Variants in TMCO6 observed in about 807,000 individuals in gnomAD.
TMCO6 encodes transmembrane and coiled-coil domain-containing protein 6.
TMCO6 carries 47 observed loss-of-function variants against 61.8 expected under a neutral mutation model. The ratio of observed to expected loss-of-function variants is 0.76; its 90% confidence interval spans 0.60 to 0.97. The LOEUF is 0.97. Among genes scored for constraint, TMCO6 ranks in the 50% least tolerant of loss-of-function variants. The probability of loss-of-function intolerance (pLI) is 0.00; values close to 1 mark genes in which losing one functional copy is unlikely to be tolerated. For missense variants in TMCO6, 557 were observed against 601.6 expected, an observed-to-expected ratio of 0.93 and a Z score of 0.78; for synonymous variants, 261 against 254.2, an observed-to-expected ratio of 1.03 and a Z score of -0.25.
the TMCO6 span, among the ~76,000 whole-genome samples, chr5:140,601,750 C>T: frequency 2.5e-4 from 38 of 152,284 alleles, no homozygotes; most frequent in African/African-American, 7.9e-4. Flanking sequence ...AGATTTCAGG[C>T]GTCACCATAC....
At chr5:140,643,749 T>G in intron 8 of TMCO6, 31 bp from the exon 9 acceptor site, 1 of 1,610,978 alleles carries the variant, frequency 6.2e-7, no homozygotes, top group Non-Finnish European at 8.5e-7. Flanking sequence ...CTCTTCCTTC[T>G]TACACCTGAC....
the TMCO6 span, among the ~76,000 whole-genome samples, chr5:140,607,796 T>C: frequency 6.0e-5 from 9 of 150,836 alleles, no homozygotes; most frequent in East Asian, 5.8e-4. Context: ...ATTTTCTTTT[T>C]TTTTTTTTTC....
At chr5:140,598,783 A>G in the TMCO6 span, among the ~76,000 whole-genome samples, 1 of 152,150 alleles carries the variant, frequency 6.6e-6, no homozygotes, top group African/African-American at 2.4e-5. Context: ...AAACTACAAA[A>G]GAATTAGTCA....
chr5:140,625,085 C>T, the TMCO6 span, among the ~76,000 whole-genome samples: 2 of 152,026 alleles, frequency 1.3e-5, no homozygotes. Context: ...AACTCCTGAC[C>T]TCATAATACA....
chr5:140,647,728 A>T (rs886060017), downstream of TMCO6: 11 of 1,326,896 alleles, frequency 8.3e-6, no homozygotes, highest in Non-Finnish European at 9.6e-6. Context: ...GTATTGTAGG[A>T]CCGCTGCGAG....
chr5:140,628,115 T>G, the TMCO6 span, among the ~76,000 whole-genome samples: 1 of 151,454 alleles, frequency 6.6e-6, no homozygotes, highest in Non-Finnish European at 1.5e-5. Context: ...TTCAAGTGAT[T>G]CTCCTGCCTC....
chr5:140,598,211 GT>G, the TMCO6 span, among the ~76,000 whole-genome samples: 124 of 144,332 alleles, frequency 8.6e-4, no homozygotes, highest in Middle Eastern at 3.5e-3. Flanking sequence ...ATTTTATTTG[GT>G]TTTTTTTTTT....
intron 4 of TMCO6, 95 bp downstream of exon 4, chr5:140,642,148 T>TA: frequency 2.0e-6 from 3 of 1,508,048 alleles, no homozygotes; most frequent in Non-Finnish European, 2.7e-6. Context: ...GAAGAAAACA[T>TA]GTTTGCCCTT....
downstream of TMCO6, among the ~76,000 whole-genome samples, chr5:140,646,584 T>C (rs2149802116): frequency 6.6e-6 from 1 of 152,256 alleles, no homozygotes; most frequent in East Asian, 1.9e-4. Context: ...AATCCTGTTA[T>C]TCAGTATGTA....
downstream of TMCO6, chr5:140,647,572 G>C: frequency 6.2e-7 from 1 of 1,610,418 alleles, no homozygotes; most frequent in Non-Finnish European, 8.5e-7. Context: ...GACTTGCTGC[G>C]GCCGCCGCCA....
intron 6 of TMCO6, 114 bp from the exon 7 acceptor site, chr5:140,642,811 T>G (rs1021532107): frequency 6.3e-7 from 1 of 1,597,744 alleles, no homozygotes; most frequent in African/African-American, 1.3e-5. Context: ...GTTTGGACAC[T>G]TTCCCATCTG....
the TMCO6 span, among the ~76,000 whole-genome samples, chr5:140,613,421 G>A: frequency 2.9e-5 from 4 of 138,322 alleles, no homozygotes; most frequent in African/African-American, 1.3e-4. Flanking sequence ...AAAAAATGGT[G>A]GCAGGAGTAG....
At chr5:140,633,113 T>A in the TMCO6 span, 22 of 1,613,418 alleles carry the variant, frequency 1.4e-5, no homozygotes, top group Non-Finnish European at 1.9e-5. Flanking sequence ...GGACAGGCTC[T>A]GGAAGTGCTT....
chr5:140,607,717 AT>A, the TMCO6 span, among the ~76,000 whole-genome samples: 18 of 149,444 alleles, frequency 1.2e-4, no homozygotes, highest in Non-Finnish European at 2.1e-4. Context: ...CTTGTTTCCA[AT>A]TTTTTTTATT....
the TMCO6 span, among the ~76,000 whole-genome samples, chr5:140,619,995 A>G: frequency 6.6e-6 from 1 of 152,340 alleles, no homozygotes; most frequent in African/African-American, 2.4e-5. Context: ...GTTTCTTACA[A>G]AACTGATCAT....
chr5:140,639,958 C>G (rs1161203498), intron 2 of TMCO6, 107 bp downstream of exon 2: 1 of 911,866 alleles, frequency 1.1e-6, no homozygotes, highest in Non-Finnish European at 1.7e-6. Flanking sequence ...TCTACACTTC[C>G]ACGCATCCAG....
At chr5:140,602,884 C>T in the TMCO6 span, among the ~76,000 whole-genome samples, 1 of 151,706 alleles carries the variant, frequency 6.6e-6, no homozygotes, top group Non-Finnish European at 1.5e-5. Flanking sequence ...CCAAGGTGGG[C>T]GGATCACCTG....
chr5:140,637,922 C>T (rs1391685005), upstream of TMCO6, among the ~76,000 whole-genome samples: 3 of 151,776 alleles, frequency 2.0e-5, no homozygotes, highest in Admixed American at 6.5e-5. Context: ...CTTTCCCCCT[C>T]CCCTCTCTTC....
At position 140,639,582 on chromosome 5, in the gene TMCO6, C is replaced by T. The variant is rs547686954; in HGVS notation, c.55C>T (p.Leu19=). 112 of 1,544,996 alleles carry T rather than the reference C, an allele frequency of 7.2e-5. No individual in the cohort carries two copies. In the African/African-American group the frequency reaches 1.5e-3, roughly 20 times the overall value. Residue 19 remains leucine (L), a synonymous_variant, in exon 1 of 12, where the codon CTA becomes TTA. Transcript: ENST00000394671. ...LRPTVCGVEE[L]RRRRREREAA... ...GCCCACGGTCTGCGGGGTGGAGGAG[C>T]TACGGCGCCGCCGGCGGGAGCGGGA...
Sources: allele counts gnomAD v4.1 joint callset (sites outside exome capture counted in the v4.1 genomes callset), GRCh38; gene constraint gnomAD v4.1.1; transcripts MANE v1.5; gene names NCBI Gene and HGNC (gene_info 2026-07-23, HGNC 2026-07-21).